Variants in LRRC7 observed in about 807,000 individuals in gnomAD.
The protein encoded by LRRC7 is leucine rich repeat containing 7, also known as leucine-rich repeat-containing protein 7.
A neutral mutation model predicts 175.7 loss-of-function variants in LRRC7; 23 were observed. The observed-to-expected ratio is 0.13, with a 90% CI of 0.09 to 0.19. LRRC7 has a LOEUF of 0.19. Among genes scored for constraint, LRRC7 ranks in the 10% least tolerant of loss-of-function variants. LRRC7 has a pLI of 1.00. For synonymous variants in LRRC7, 685 were observed against 680.9 expected, an observed-to-expected ratio of 1.01 and a Z score of -0.09; for missense variants, 1,354 against 1,904.7, an observed-to-expected ratio of 0.71 and a Z score of 5.38.
rs753293433 is a variant in LRRC7, at chr1:69,691,654, C to G, written c.100+13176C>G. 4.6e-5 allele frequency among the ~76,000 whole-genome samples: 7 copies of G among 151,746 alleles called. No individual in the cohort carries two copies. The East Asian group carries it at 1.4e-3, about 29-fold the overall frequency. On this transcript the variant is annotated intron_variant, in intron 2 of 26. Transcript: ENST00000651989. Reference sequence around the variant, plus strand: ...CTCTACAAAAAGAACAAAAATTAGCCAGGAGTAGTGGCACATGCCTGTAGT... The same window carrying G: ...CTCTACAAAAAGAACAAAAATTAGCGAGGAGTAGTGGCACATGCCTGTAGT...
rs145160497 is a variant in LRRC7, at chr1:69,626,178, G to A, written c.3-52203G>A. On this transcript the variant is annotated intron_variant, in intron 1 of 26. Transcript: ENST00000651989. ...ATATCTGATTCATTCTTATTTCTAG[G>A]GTGTAACCCTCAGGAACATCTTGCT... is the stretch of plus-strand genomic sequence containing the variant. 4.1e-4 allele frequency among the ~76,000 whole-genome samples: 63 copies of A among 151,990 alleles called. 1 individual carries two copies. The East Asian group carries it at 0.011, about 26-fold the overall frequency.
intron 23 of LRRC7, among the ~76,000 whole-genome samples, chr1:70,066,242 T>C (rs1022430740): frequency 2.0e-5 from 3 of 151,980 alleles, no homozygotes; most frequent in Admixed American, 6.6e-5. Flanking sequence ...CACTTTCTCT[T>C]AAGCACTAAT....
At chr1:69,706,176 A>T (rs1406092601) in intron 2 of LRRC7, among the ~76,000 whole-genome samples, 1 of 152,170 alleles carries the variant, frequency 6.6e-6, no homozygotes, top group Non-Finnish European at 1.5e-5. Context: ...AGCAAATATA[A>T]GTAGGTGTGT....
chr1:70,136,385 T>A lies in LRRC7; in HGVS notation c.*14498T>A, dbSNP rs1666873397. Reference sequence around the variant, plus strand: ...GTCTGCCTCCGGACCATTCTAAGGTTTGTCCTCTAGCCAATCTATATGTTT... The same window carrying A: ...GTCTGCCTCCGGACCATTCTAAGGTATGTCCTCTAGCCAATCTATATGTTT... On this transcript the variant is annotated 3_prime_UTR_variant, in exon 27 of 27. Coordinates refer to ENST00000651989, the MANE Select transcript of LRRC7 (RefSeq NM_001370785.2). Among the ~76,000 whole-genome samples the A allele has an allele frequency of 6.6e-6, 1 of 152,160 alleles. No individual in the cohort carries two copies. Among genetic ancestry groups the A allele is most frequent in the African/African-American group, 2.4e-5 (1 of 41,430 alleles).
intron 9 of LRRC7, among the ~76,000 whole-genome samples, chr1:69,985,890 C>T (rs1326572983): frequency 1.3e-5 from 2 of 152,156 alleles, no homozygotes; most frequent in African/African-American, 4.8e-5. Flanking sequence ...AGTTGACGGA[C>T]ATTTGGGTTG....
At chr1:69,675,263 T>G (rs957768602) in intron 1 of LRRC7, among the ~76,000 whole-genome samples, 1 of 152,196 alleles carries the variant, frequency 6.6e-6, no homozygotes, top group African/African-American at 2.4e-5. Context: ...TGGATACCAA[T>G]AGTAATCGTT....
chr1:69,664,321 A>G (rs1657957157), intron 1 of LRRC7, among the ~76,000 whole-genome samples: 1 of 152,190 alleles, frequency 6.6e-6, no homozygotes, highest in East Asian at 1.9e-4. Flanking sequence ...ATATACACCC[A>G]GTAGTGTTAA....
chr1:69,745,518 G>A (rs1669159474), intron 2 of LRRC7, among the ~76,000 whole-genome samples: 1 of 151,604 alleles, frequency 6.6e-6, no homozygotes, highest in Non-Finnish European at 1.5e-5. Context: ...ATTATAATTT[G>A]GAAAAAATGA....
rs1380341841 is a variant in LRRC7, at chr1:70,123,963, C to A, written c.*2076C>A. Among the ~76,000 whole-genome samples, 1 of 152,072 alleles carries A rather than the reference C, an allele frequency of 6.6e-6. No individual in the cohort carries two copies. Among genetic ancestry groups the A allele is most frequent in the Admixed American group, 6.5e-5 (1 of 15,274 alleles). Reference sequence around the variant, plus strand: ...ATATAGAACTGCCCCAAGTCTTTTTCTTATGGTTTCTATATCAAACCCAGG... The same window carrying A: ...ATATAGAACTGCCCCAAGTCTTTTTATTATGGTTTCTATATCAAACCCAGG... On this transcript the variant is annotated 3_prime_UTR_variant, in exon 27 of 27. Coordinates refer to ENST00000651989, the MANE Select transcript of LRRC7 (RefSeq NM_001370785.2).
Position 69,994,597 on chromosome 1 carries a change from A to G in LRRC7, c.968A>G (p.Asp323Gly), listed in dbSNP as rs762752829. ...LKKLTTLKVDDNQLTMLPNTI... is the reference protein window; with the variant it reads ...LKKLTTLKVDGNQLTMLPNTI... ...AAACTAACAACTCTAAAAGTAGATG[A>G]CAATCAACTTACAATGCTACCCAAT... The change falls in exon 11 of 27, where the codon GAC becomes GGC. Residue 323 changes from aspartate (D) to glycine (G), a missense_variant. Transcript: ENST00000651989. 6.2e-7 allele frequency: 1 copy of G among 1,611,956 alleles called. No homozygotes were observed. The highest frequency in any genetic ancestry group is 8.5e-7 in the Non-Finnish European group (1 of 1,178,784).
At chr1:69,639,558 T>G (rs1653891016) in intron 1 of LRRC7, among the ~76,000 whole-genome samples, 1 of 151,808 alleles carries the variant, frequency 6.6e-6, no homozygotes, top group Non-Finnish European at 1.5e-5. Flanking sequence ...ACAGGAGCCT[T>G]CCTGTATAAG....
At chr1:69,787,369 AG>A (rs1011353683) in intron 3 of LRRC7, among the ~76,000 whole-genome samples, 1 of 152,126 alleles carries the variant, frequency 6.6e-6, no homozygotes, top group Non-Finnish European at 1.5e-5. Context: ...CAGCTCCACT[AG>A]GGGGTGCCCA....
At chr1:69,823,783 G>A (rs1246158887) in intron 4 of LRRC7, among the ~76,000 whole-genome samples, 3 of 151,958 alleles carry the variant, frequency 2.0e-5, no homozygotes. Context: ...ACAGCACTTT[G>A]TGCCAATTGC....
intron 1 of LRRC7, among the ~76,000 whole-genome samples, chr1:69,637,344 T>C (rs1401193714): frequency 6.6e-6 from 1 of 152,014 alleles, no homozygotes; most frequent in East Asian, 1.9e-4. Flanking sequence ...TGTCTTTACA[T>C]ATTCATATTA....
chr1:70,043,883 A>G, intron 21 of LRRC7, 71 bp from the exon 22 acceptor site: 1 of 1,496,850 alleles, frequency 6.7e-7, no homozygotes, highest in Non-Finnish European at 9.0e-7. Context: ...AAATTTAAAC[A>G]TGTTCATGTA....
At chr1:70,033,976 C>G (rs746649007) in intron 18 of LRRC7, among the ~76,000 whole-genome samples, 1 of 152,098 alleles carries the variant, frequency 6.6e-6, no homozygotes, top group East Asian at 1.9e-4. Context: ...TAGTACTAGA[C>G]AGGAATTGGC....
At chr1:69,960,802 C>A (rs548321377) in intron 8 of LRRC7, among the ~76,000 whole-genome samples, 49 of 151,940 alleles carry the variant, frequency 3.2e-4, no homozygotes, top group Admixed American at 1.8e-3. Flanking sequence ...AAAAAACTCT[C>A]AATAAACTAG....
At chr1:70,083,085 G>C (rs546033112) in intron 24 of LRRC7, among the ~76,000 whole-genome samples, 13 of 151,960 alleles carry the variant, frequency 8.6e-5, no homozygotes, top group Non-Finnish European at 1.5e-4. Flanking sequence ...GCACCCAGCT[G>C]ACCAGTACAT....
chr1:69,600,588 A>G (rs951273706), intron 1 of LRRC7, among the ~76,000 whole-genome samples: 1 of 152,096 alleles, frequency 6.6e-6, no homozygotes, highest in Non-Finnish European at 1.5e-5. Flanking sequence ...TTATAATCCA[A>G]TACTACTTTG....
Sources: allele counts gnomAD v4.1 joint callset (sites outside exome capture counted in the v4.1 genomes callset), GRCh38; gene constraint gnomAD v4.1.1; transcripts MANE v1.5; gene names NCBI Gene and HGNC (gene_info 2026-07-23, HGNC 2026-07-21).